The following PTH2R variants were observed in gnomAD, a reference collection of about 807,000 sequenced individuals.
PTH2R encodes parathyroid hormone 2 receptor.
A neutral mutation model predicts 60.3 loss-of-function variants in PTH2R; 59 were observed. The observed-to-expected ratio is 0.98, with a 90% CI of 0.79 to 1.22. The LOEUF is 1.22. Among genes scored for constraint, PTH2R ranks in the 50% most tolerant of loss-of-function variants. PTH2R has a pLI of 0.00. For missense variants in PTH2R, 749 were observed against 682.6 expected, an observed-to-expected ratio of 1.10 and a Z score of -1.08; for synonymous variants, 256 against 243.8, an observed-to-expected ratio of 1.05 and a Z score of -0.47.
At chr2:208,395,418 A>T (rs1472799513) in intron 1 of PTH2R, among the ~76,000 whole-genome samples, 3 of 152,056 alleles carry the variant, frequency 2.0e-5, no homozygotes, top group Non-Finnish European at 4.4e-5. Context: ...CATGTAGAGG[A>T]TGTCTATTTC....
chr2:208,364,126 A>G (rs1167761891), intron 1 of PTH2R, among the ~76,000 whole-genome samples: 1 of 152,166 alleles, frequency 6.6e-6, no homozygotes, highest in Non-Finnish European at 1.5e-5. Flanking sequence ...ATGGATGCTA[A>G]CATCTTATCA....
At chr2:208,375,345 A>G (rs1018091073) in intron 1 of PTH2R, among the ~76,000 whole-genome samples, 2 of 152,122 alleles carry the variant, frequency 1.3e-5, no homozygotes, top group African/African-American at 2.4e-5. Context: ...TGTATTGCTC[A>G]GAGAAGAAGG....
chr2:208,488,843 C>T (rs953005470), intron 10 of PTH2R, among the ~76,000 whole-genome samples, 169 bp from the exon 11 acceptor site: 12 of 152,128 alleles, frequency 7.9e-5, no homozygotes, highest in Non-Finnish European at 1.8e-4. Flanking sequence ...CGCCACTGTA[C>T]GCCAGCCTGG....
At chr2:208,420,693 C>T (rs914844519) in intron 1 of PTH2R, among the ~76,000 whole-genome samples, 33 of 152,250 alleles carry the variant, frequency 2.2e-4, no homozygotes, top group Non-Finnish European at 3.5e-4. Flanking sequence ...ATACCTTTCA[C>T]GTAGTTTCTT....
Position 208,427,703 on chromosome 2 carries a change from C to G in PTH2R, c.76-498C>G, listed in dbSNP as rs1701885456. Reference sequence around the variant, plus strand: ...CAATATTTTGGGATGTTTTGTTACACAGCTATAGGTGATAAATACAGATGG... The same window carrying G: ...CAATATTTTGGGATGTTTTGTTACAGAGCTATAGGTGATAAATACAGATGG... On this transcript the variant is annotated intron_variant, in intron 1 of 12. Coordinates refer to ENST00000272847, the MANE Select transcript of PTH2R (RefSeq NM_005048.4). 2.0e-5 allele frequency among the ~76,000 whole-genome samples: 3 copies of G among 152,062 alleles called. No individual in the cohort carries two copies. The South Asian group carries it at 6.2e-4, about 31-fold the overall frequency.
In PTH2R at chr2:208,484,609, T is replaced by C. The variant is rs577016424; in HGVS notation, c.1076+3445T>C. Among the ~76,000 whole-genome samples, 6 of 152,282 alleles carry C rather than the reference T, an allele frequency of 3.9e-5. No homozygotes were observed. The South Asian group carries it at 1.2e-3, about 32-fold the overall frequency. On this transcript the variant is annotated intron_variant, in intron 10 of 12. Transcript: ENST00000272847. ...AGGTTGCCAGGTCTGGAAAAACAGA[T>C]ATGAAAAAATGCAAGATTCAGTGAA...
chr2:208,483,899 G>A (rs562342639), intron 10 of PTH2R, among the ~76,000 whole-genome samples: 7 of 152,218 alleles, frequency 4.6e-5, no homozygotes, highest in African/African-American at 1.7e-4. Context: ...TCCATATTCT[G>A]TTTCTGAGGC....
rs7582175 is a variant in PTH2R, at chr2:208,377,445, C to T, written c.-259+17208C>T. 5.8e-3 allele frequency among the ~76,000 whole-genome samples: 829 copies of T among 141,964 alleles called. 10 individuals carry two copies. The highest frequency in any genetic ancestry group is 0.019 in the African/African-American group (751 of 40,032). 93.1% of individuals were successfully genotyped at this position (141,964 alleles called of 152,430 possible). ...GGGGCTCCTCACTTCCCAGAAGGGGCGGCCGGGCAGAGGTGCCCCCCACCT... is the reference window on the plus strand; with the variant it reads ...GGGGCTCCTCACTTCCCAGAAGGGGTGGCCGGGCAGAGGTGCCCCCCACCT... On this transcript the variant is annotated intron_variant, in intron 1 of 12. Transcript: ENST00000617735.
rs769437862 is a variant in PTH2R, at chr2:208,428,192, C to CTTCTACA, written c.76-8_76-2dup. 33 of 1,597,052 alleles carry CTTCTACA rather than the reference C, an allele frequency of 2.1e-5. No individual in the cohort carries two copies. In the African/African-American group the frequency reaches 4.2e-4, roughly 20 times the overall value. On this transcript the variant is annotated splice_polypyrimidine_tract_variant and intron_variant, in intron 1 of 12. Transcript: ENST00000272847. ...GATGAAAATGTTTGTATTTTGTTCACTTCTACAGCTGGATTCTGATGGCAC... is the reference window on the plus strand; with the variant it reads ...GATGAAAATGTTTGTATTTTGTTCACTTCTACATTCTACAGCTGGATTCTGATGGCAC...
chr2:208,438,353 G>T (rs1450626704), intron 4 of PTH2R, among the ~76,000 whole-genome samples: 1 of 152,096 alleles, frequency 6.6e-6, no homozygotes, highest in Non-Finnish European at 1.5e-5. Context: ...AGAGTTTTAG[G>T]ATTAAAGGGG....
At chr2:208,482,806 C>A (rs552795975) in intron 10 of PTH2R, among the ~76,000 whole-genome samples, 1 of 152,100 alleles carries the variant, frequency 6.6e-6, no homozygotes, top group Non-Finnish European at 1.5e-5. Context: ...ACAGGCACCC[C>A]CCATGCGTCC....
intron 2 of PTH2R, among the ~76,000 whole-genome samples, chr2:208,428,823 G>A (rs1203240725): frequency 1.3e-5 from 2 of 152,306 alleles, no homozygotes; most frequent in Middle Eastern, 3.4e-3. Flanking sequence ...GGTGGCTCAC[G>A]CCTGTAATCC....
At chr2:208,363,778 G>A (rs988240873) in intron 1 of PTH2R, among the ~76,000 whole-genome samples, 1 of 152,134 alleles carries the variant, frequency 6.6e-6, no homozygotes, top group Non-Finnish European at 1.5e-5. Flanking sequence ...GTGATGTAGA[G>A]CATTTTTTCA....
chr2:208,462,530 C>T (rs1702654521), intron 9 of PTH2R, among the ~76,000 whole-genome samples: 2 of 152,132 alleles, frequency 1.3e-5, no homozygotes, highest in African/African-American at 4.8e-5. Context: ...GAAGCACACA[C>T]AGAAATCCTG....
intron 1 of PTH2R, among the ~76,000 whole-genome samples, chr2:208,394,844 ATACTAT>A (rs1701176312): frequency 6.6e-6 from 1 of 152,160 alleles, no homozygotes; most frequent in Non-Finnish European, 1.5e-5. Context: ...ATTAAAATTA[ATACTAT>A]TATTAAGTAC....
chr2:208,427,404 C>A (rs912500874), intron 1 of PTH2R, among the ~76,000 whole-genome samples: 5 of 152,082 alleles, frequency 3.3e-5, no homozygotes, highest in African/African-American at 1.2e-4. Context: ...CTACTTATAA[C>A]TCAGAATCCA....
chr2:208,461,658 A>G (rs551978977), intron 9 of PTH2R, among the ~76,000 whole-genome samples: 1 of 152,326 alleles, frequency 6.6e-6, no homozygotes, highest in South Asian at 2.1e-4. Context: ...AATGCAAGAG[A>G]TCCTTGTAAA....
chr2:208,428,180 G>C (rs376844741), intron 1 of PTH2R, 21 bp from the exon 2 acceptor site: 1 of 1,545,852 alleles, frequency 6.5e-7, no homozygotes, highest in Admixed American at 1.7e-5. Context: ...GAAAATGTTT[G>C]TATTTTGTTC....
intron 8 of PTH2R, 144 bp from the exon 9 acceptor site, chr2:208,459,751 G>T: frequency 1.5e-6 from 1 of 682,122 alleles, no homozygotes; most frequent in East Asian, 2.7e-5. Context: ...ACTGGCTTGG[G>T]TGTTTTAAGA....
Sources: gnomAD v4.1 joint callset for allele counts (sites outside exome capture counted in the v4.1 genomes callset) on GRCh38, gnomAD v4.1.1 for gene constraint, MANE v1.5 for transcripts, NCBI Gene and HGNC (gene_info 2026-07-23, HGNC 2026-07-21) for gene names.